Variants in CADPS2 observed in about 807,000 individuals in gnomAD.
CADPS2 encodes the protein calcium-dependent secretion activator 2.
In CADPS2, 93 loss-of-function variants were observed where a neutral mutation model predicts 172.5. That is an observed-to-expected ratio of 0.54 (90% CI 0.46 to 0.64). The LOEUF (loss-of-function observed/expected upper bound fraction) is 0.64, where lower values mean the gene tolerates loss of function less well. Among genes scored for constraint, CADPS2 ranks in the 30% least tolerant of loss-of-function variants. CADPS2 has a pLI of 0.00. For synonymous variants in CADPS2, 546 were observed against 555.2 expected, an observed-to-expected ratio of 0.98 and a Z score of 0.23; for missense variants, 1,420 against 1,565.9, an observed-to-expected ratio of 0.91 and a Z score of 1.57.
rs1192583104 is a variant in CADPS2, at chr7:122,527,580, A to AAGAGAGAGAGAG, written c.1476-14266_1476-14265insCTCTCTCTCTCT. 2.2e-4 allele frequency among the ~76,000 whole-genome samples: 19 copies of AAGAGAGAGAGAG among 85,396 alleles called. 1 individual carries two copies. The highest frequency in any genetic ancestry group is 1.2e-3 in the East Asian group (4 of 3,258). The allele number at this position is 85,396 out of a possible 152,430, so 56.0% of individuals were successfully genotyped here. On this transcript the variant is annotated intron_variant, in intron 8 of 29. Coordinates refer to ENST00000449022, the MANE Select transcript of CADPS2 (RefSeq NM_017954.11). ...TTTAATACTGGTAAAGATAATACTG[A>AAGAGAGAGAGAG]ATAGAGAGAGAGAGAGAGAGAGAGA...
rs187695876 is a variant in CADPS2, at chr7:122,852,641, T to C, written c.339+33358A>G. Among the ~76,000 whole-genome samples, 12 of 152,140 alleles carry C rather than the reference T, an allele frequency of 7.9e-5. No individual in the cohort carries two copies. In the East Asian group the frequency reaches 2.1e-3, roughly 27 times the overall value. On this transcript the variant is annotated intron_variant, in intron 1 of 29. Transcript: ENST00000449022. ...AGAACAGTAAGAATGAAGGCAAAGG[T>C]AGGAACATGCTGGCAGTTCCACGAA...
At chr7:122,331,386 C>A (rs779097646) in intron 28 of CADPS2, among the ~76,000 whole-genome samples, 2 of 152,058 alleles carry the variant, frequency 1.3e-5, no homozygotes, top group Non-Finnish European at 2.9e-5. Context: ...GCCTGTAATC[C>A]CAGCACTTTG....
chr7:122,427,122 G>A (rs1041984062), intron 17 of CADPS2: 9 of 34,752 alleles, frequency 2.6e-4, no homozygotes, highest in African/African-American at 8.2e-4. Flanking sequence ...CATAAATGCC[G>A]TGTGTGTGTG....
intron 6 of CADPS2, among the ~76,000 whole-genome samples, chr7:122,598,241 T>C (rs758354525): frequency 2.0e-5 from 3 of 152,026 alleles, no homozygotes; most frequent in Non-Finnish European, 2.9e-5. Flanking sequence ...ACAAAGATTT[T>C]TTTTTTGAAA....
At chr7:122,718,308 T>C (rs933975716) in intron 2 of CADPS2, among the ~76,000 whole-genome samples, 1 of 151,208 alleles carries the variant, frequency 6.6e-6, no homozygotes, top group East Asian at 2.0e-4. Context: ...TTTCTTGACA[T>C]GGAAAAATGA....
intron 3 of CADPS2, among the ~76,000 whole-genome samples, chr7:122,637,208 T>TCTCTC (rs1554680784): frequency 3.2e-5 from 2 of 62,694 alleles, no homozygotes; most frequent in African/African-American, 1.2e-4. Flanking sequence ...TTTTTTTTTT[T>TCTCTC]CCTGAGACAG....
chr7:122,523,041 G>T (rs2060936556), intron 8 of CADPS2, among the ~76,000 whole-genome samples: 1 of 152,100 alleles, frequency 6.6e-6, no homozygotes, highest in Non-Finnish European at 1.5e-5. Context: ...GGAGGTACAG[G>T]TATCTCTTTG....
chr7:122,374,662 T>C (rs2042141943), intron 25 of CADPS2, among the ~76,000 whole-genome samples: 1 of 151,806 alleles, frequency 6.6e-6, no homozygotes, highest in African/African-American at 2.4e-5. Flanking sequence ...CACTTGTAAA[T>C]GGGAGTTGAA....
chr7:122,395,423 G>T (rs1042702736), intron 20 of CADPS2: 10 of 151,992 alleles, frequency 6.6e-5, no homozygotes, highest in African/African-American at 2.2e-4. Flanking sequence ...TTAATGATAG[G>T]TGTCTTATTT....
intron 14 of CADPS2, among the ~76,000 whole-genome samples, chr7:122,465,919 G>T (rs577888610): frequency 2.0e-5 from 3 of 152,114 alleles, no homozygotes; most frequent in African/African-American, 7.2e-5. Context: ...AAACTGGGAC[G>T]GCAATGGTAG....
chr7:122,615,400 GA>G (rs1214975961), intron 5 of CADPS2, 101 bp from the exon 6 acceptor site: 51 of 721,766 alleles, frequency 7.1e-5, no homozygotes, highest in Middle Eastern at 3.1e-4. Flanking sequence ...TGACAAAACT[GA>G]AAAAAAATTT....
intron 1 of CADPS2, among the ~76,000 whole-genome samples, chr7:122,819,919 T>C (rs111561709): frequency 0.2 from 30,211 of 152,016 alleles, 3,139 homozygotes; most frequent in Middle Eastern, 0.3. Flanking sequence ...TATCCCATCC[T>C]GCAGCATGCT....
intron 25 of CADPS2, among the ~76,000 whole-genome samples, chr7:122,364,506 C>CA (rs1321785434): frequency 6.8e-6 from 1 of 147,898 alleles, no homozygotes; most frequent in Admixed American, 6.8e-5. Flanking sequence ...GTGGGTGGAA[C>CA]ATGAGGTCAG....
chr7:122,408,503 C>T (rs1041430560), intron 19 of CADPS2, among the ~76,000 whole-genome samples: 4 of 152,144 alleles, frequency 2.6e-5, no homozygotes, highest in Non-Finnish European at 5.9e-5. Flanking sequence ...CAGCTTACTG[C>T]GACCTCTGCC....
At chr7:122,354,745 C>T (rs746099440) in intron 27 of CADPS2, among the ~76,000 whole-genome samples, 24 of 152,106 alleles carry the variant, frequency 1.6e-4, no homozygotes, top group Non-Finnish European at 2.1e-4. Flanking sequence ...CTCACCTAGT[C>T]CAGGTCTTGC....
chr7:122,426,996 G>C (rs970501625), intron 17 of CADPS2, among the ~76,000 whole-genome samples: 1 of 152,152 alleles, frequency 6.6e-6, no homozygotes, highest in Admixed American at 6.5e-5. Context: ...CTTGTAATGA[G>C]ATTTCCATGC....
chr7:122,504,165 T>C (rs1000493653), intron 9 of CADPS2, among the ~76,000 whole-genome samples: 1 of 152,194 alleles, frequency 6.6e-6, no homozygotes, highest in Non-Finnish European at 1.5e-5. Flanking sequence ...AAGTCTTATA[T>C]ATCTCATTTA....
intron 20 of CADPS2, among the ~76,000 whole-genome samples, chr7:122,394,739 C>T (rs2044837524): frequency 6.6e-6 from 1 of 152,150 alleles, no homozygotes; most frequent in Middle Eastern, 3.4e-3. Flanking sequence ...GATCCTAGGA[C>T]TGAGTAAGGA....
At chr7:122,335,812 G>GT in intron 28 of CADPS2, among the ~76,000 whole-genome samples, 1 of 152,158 alleles carries the variant, frequency 6.6e-6, no homozygotes, top group Non-Finnish European at 1.5e-5. Flanking sequence ...ATTTATCCTG[G>GT]AGTAGACAAG....
Sources: allele counts gnomAD v4.1 joint callset (sites outside exome capture counted in the v4.1 genomes callset), GRCh38; gene constraint gnomAD v4.1.1; transcripts MANE v1.5; gene names NCBI Gene and HGNC (gene_info 2026-07-23, HGNC 2026-07-21).